The following ALDH18A1 variants were observed in gnomAD, a reference collection of about 807,000 sequenced individuals.
ALDH18A1 encodes delta-1-pyrroline-5-carboxylate synthase.
A neutral mutation model predicts 88.8 loss-of-function variants in ALDH18A1; 44 were observed. The ratio of observed to expected loss-of-function variants is 0.50; its 90% CI spans 0.39 to 0.64. The LOEUF is 0.64. Ranked by LOEUF, ALDH18A1 falls within the 30% of genes least tolerant of loss-of-function variation. ALDH18A1 has a pLI of 0.00. For synonymous variants in ALDH18A1, 331 were observed against 372.1 expected (o/e 0.89, Z 1.27); for missense variants, 782 against 1,009.5 (o/e 0.77, Z 3.05).
chr10:95,630,657 G>A (rs992326137), intron 7 of ALDH18A1, among the ~76,000 whole-genome samples: 1 of 152,142 alleles, frequency 6.6e-6, no homozygotes, highest in Non-Finnish European at 1.5e-5. Flanking sequence ...GTTGCAGTGA[G>A]CTGAGATCAT....
intron 2 of ALDH18A1, among the ~76,000 whole-genome samples, chr10:95,649,900 C>A (rs9664039): frequency 0.18 from 27,147 of 148,606 alleles, 2,718 homozygotes; most frequent in Middle Eastern, 0.27. Flanking sequence ...AAAAAAAAAA[C>A]AAAGAAAAAA....
At chr10:95,640,718 T>C (rs1167233956) in intron 3 of ALDH18A1, among the ~76,000 whole-genome samples, 1 of 152,188 alleles carries the variant, frequency 6.6e-6, no homozygotes, top group Non-Finnish European at 1.5e-5. Flanking sequence ...CCTGAGTCCA[T>C]CTGACATGAT....
chr10:95,610,250 C>T lies in ALDH18A1; in HGVS notation c.2153G>A (p.Cys718Tyr), dbSNP rs759717025. The T allele has an allele frequency of 1.2e-6, 2 of 1,614,000 alleles. No homozygotes were observed. Among genetic ancestry groups the T allele is most frequent in the Admixed American group, 1.7e-5 (1 of 59,998 alleles). The change falls in exon 17 of 18, where the codon TGT (cysteine) becomes TAT (tyrosine). Residue 718 changes from cysteine to tyrosine, a missense_variant. Cys to Tyr is a radical substitution (Grantham distance 194). This residue lies in a region of ALDH18A1 where 556 missense variants were observed against 654.5 expected (regional missense o/e 0.85). Coordinates refer to ENST00000371224, the MANE Select transcript of ALDH18A1 (RefSeq NM_002860.4). ...GCGAGTGCTGGCATTCCAGAACACA[C>T]AGGCACTGTCTACGTGCTGCAGGAA... ...EFFLQHVDSACVFWNASTRFS... is the reference protein window; with the variant it reads ...EFFLQHVDSAYVFWNASTRFS...
At chr10:95,608,536 C>A (rs921712751) in intron 17 of ALDH18A1, among the ~76,000 whole-genome samples, 10 of 152,238 alleles carry the variant, frequency 6.6e-5, no homozygotes, top group African/African-American at 2.2e-4. Flanking sequence ...TAGGGCCTCA[C>A]TCTCTCCCAG....
chr10:95,628,354 C>A lies in ALDH18A1; in HGVS notation c.933+14G>T, dbSNP rs546156675. ...TTAAAATTGTTATAGGCAGTTAAGG[C>A]ACCAGATTCTTACCTTGGCTTCCAT... On this transcript the variant is annotated intron_variant, in intron 8 of 17. Transcript: ENST00000371224. 2.5e-6 allele frequency: 4 copies of A among 1,613,948 alleles called. No individual in the cohort carries two copies. In the African/African-American group the frequency reaches 5.3e-5, roughly 22 times the overall value.
chr10:95,628,570 A>G, intron 7 of ALDH18A1, 78 bp from the exon 8 acceptor site: 4 of 1,550,142 alleles, frequency 2.6e-6, no homozygotes, highest in Non-Finnish European at 3.5e-6. Flanking sequence ...GCACCTGCCA[A>G]TCACTCTGTA....
Position 95,633,834 on chromosome 10 carries a change from T to C in ALDH18A1, c.559-185A>G, listed in dbSNP as rs2097875512. ...ATTCTTTTTTTTTTTTTTTTTTTTT[T>C]GAGACAGGGTCTCATTCTGTCGCTC... On this transcript the variant is annotated intron_variant, in intron 5 of 17. Coordinates refer to ENST00000371224, the MANE Select transcript of ALDH18A1 (RefSeq NM_002860.4). Among the ~76,000 whole-genome samples the C allele has an allele frequency of 4.8e-5, 7 of 147,082 alleles. No individual in the cohort carries two copies. The South Asian group carries it at 1.5e-3, about 32-fold the overall frequency.
chr10:95,627,242 G>A (rs1009358857), intron 9 of ALDH18A1, among the ~76,000 whole-genome samples, 200 bp downstream of exon 9: 14 of 148,724 alleles, frequency 9.4e-5, no homozygotes, highest in African/African-American at 3.4e-4. Context: ...TATTTTAACC[G>A]AGTGATTTTG....
intron 1 of ALDH18A1, among the ~76,000 whole-genome samples, chr10:95,655,381 T>C (rs191729529): frequency 4.4e-4 from 67 of 152,350 alleles, no homozygotes; most frequent in African/African-American, 7.5e-4. Context: ...TTTTAGGCAC[T>C]AATGATGCCT....
intron 2 of ALDH18A1, among the ~76,000 whole-genome samples, chr10:95,649,938 T>C (rs1330234707): frequency 1.3e-5 from 2 of 150,880 alleles, no homozygotes; most frequent in Admixed American, 6.6e-5. Flanking sequence ...GTGCAACCCA[T>C]AGTCCTAGCT....
chr10:95,621,318 G>GTTT, intron 11 of ALDH18A1, 67 bp from the exon 12 acceptor site: 5 of 999,336 alleles, frequency 5.0e-6, no homozygotes, highest in Non-Finnish European at 7.3e-6. Flanking sequence ...CAACCGATGT[G>GTTT]TCTTTTTTTT....
In ALDH18A1 at chr10:95,621,055, T is replaced by C. The variant is rs753532076; in HGVS notation, c.1443A>G (p.Glu481=). ...VPIGVLLVIF[E]SRPDCLPQVA... is the part of the protein sequence containing the mutation. Reference sequence around the variant, plus strand: ...CCTGGGGTAGACAGTCAGGACGAGATTCAAAGATCACCAGCAGAACTCCAA... The same window carrying C: ...CCTGGGGTAGACAGTCAGGACGAGACTCAAAGATCACCAGCAGAACTCCAA... The change falls in exon 12 of 18, where the codon GAA becomes GAG. Residue 481 remains glutamate, a synonymous_variant. Transcript: ENST00000371224. 5 of 1,614,022 alleles carry C rather than the reference T, an allele frequency of 3.1e-6. No individual in the cohort carries two copies. The highest frequency in any genetic ancestry group is 4.2e-6 in the Non-Finnish European group (5 of 1,180,000).
rs748202426 is a variant in ALDH18A1 at position 95,625,417 on chromosome 10, C to T, written c.1191G>A (p.Thr397=). Reference sequence around the variant, plus strand: ...CTAACAGGATCTCATCACGCTGGTCCGTCAACAGATCAGCCAGATGATGGA... The same window carrying T: ...CTAACAGGATCTCATCACGCTGGTCTGTCAACAGATCAGCCAGATGATGGA... ...EIIHHLADLL[T]DQRDEILLAN... is the part of the protein sequence containing the mutation. Residue 397 remains threonine (T), a synonymous_variant, in exon 11 of 18, where the codon ACG becomes ACA. Coordinates refer to ENST00000371224, the MANE Select transcript of ALDH18A1 (RefSeq NM_002860.4). 8.1e-6 allele frequency: 13 copies of T among 1,613,824 alleles called. No homozygotes were observed. In the Admixed American group the frequency reaches 8.3e-5, roughly 10 times the overall value.
chr10:95,638,850 G>A (rs1384703568), intron 3 of ALDH18A1, among the ~76,000 whole-genome samples: 2 of 152,058 alleles, frequency 1.3e-5, no homozygotes, highest in African/African-American at 4.8e-5. Context: ...AAACAGCTAT[G>A]ATAAACCATG....
At chr10:95,646,350 AG>A (rs1302679602) in intron 2 of ALDH18A1, among the ~76,000 whole-genome samples, 1 of 152,150 alleles carries the variant, frequency 6.6e-6, no homozygotes, top group Admixed American at 6.5e-5. Flanking sequence ...TCAGGAGAAG[AG>A]GGTGGGTCGC....
chr10:95,630,165 C>T (rs1294754462), intron 7 of ALDH18A1, among the ~76,000 whole-genome samples: 1 of 152,134 alleles, frequency 6.6e-6, no homozygotes, highest in East Asian at 1.9e-4. Context: ...GGCTGCAGTG[C>T]GGTGGCATGA....
At position 95,627,540 on chromosome 10, in the gene ALDH18A1, A is replaced by G; in HGVS notation, c.980T>C (p.Ile327Thr). The G allele has an allele frequency of 2.5e-6, 4 of 1,614,160 alleles. No homozygotes were observed. Among genetic ancestry groups the G allele is most frequent in the Non-Finnish European group, 3.4e-6 (4 of 1,179,980 alleles). Residue 327 changes from isoleucine (I) to threonine (T), a missense_variant, in exon 9 of 18, where the codon ATT (isoleucine) becomes ACT (threonine). By Grantham distance (89) the Ile-to-Thr change is moderately conservative. This residue lies in a region of ALDH18A1 where 556 missense variants were observed against 654.5 expected (regional missense o/e 0.85). Coordinates refer to ENST00000371224, the MANE Select transcript of ALDH18A1 (RefSeq NM_002860.4). Reference protein sequence around the residue: ...WALQGGTSVVIANGTHPKVSG... With the variant: ...WALQGGTSVVTANGTHPKVSG... ...CACCTTTGGGTGGGTTCCATTGGCA[A>G]TAACAACAGAAGTGCCACCTTGCAA...
intron 11 of ALDH18A1, among the ~76,000 whole-genome samples, chr10:95,621,949 G>A (rs375985305): frequency 6.6e-6 from 1 of 152,052 alleles, no homozygotes; most frequent in South Asian, 2.1e-4. Flanking sequence ...AGCTGTCTAG[G>A]ATATAGTCTA....
chr10:95,633,780 A>G (rs1197948770), intron 5 of ALDH18A1, 131 bp from the exon 6 acceptor site: 6 of 741,446 alleles, frequency 8.1e-6, no homozygotes, highest in Non-Finnish European at 1.4e-5. Context: ...GAAGATTAGA[A>G]TGAAATACAC....
Sources: gnomAD v4.1 joint callset for allele counts (sites outside exome capture counted in the v4.1 genomes callset) on GRCh38, gnomAD v4.1.1 for gene constraint, gnomAD v4.1.1 regional missense constraint, MANE v1.5 for transcripts, NCBI Gene and HGNC (gene_info 2026-07-23, HGNC 2026-07-21) for gene names.